MCF2L2: variants seen among roughly 807,000 people sequenced by gnomAD.
MCF2L2 encodes the protein probable guanine nucleotide exchange factor MCF2L2.
In MCF2L2, 102 loss-of-function variants were observed where a neutral mutation model predicts 150.2. The observed-to-expected ratio is 0.68, with a 90% confidence interval of 0.58 to 0.80. The LOEUF (loss-of-function observed/expected upper bound fraction) is 0.80, where lower values mean the gene tolerates loss of function less well. MCF2L2 is among the 30% of genes least tolerant of loss of function. The probability of loss-of-function intolerance (pLI) is 0.00; values close to 1 mark genes in which losing one functional copy is unlikely to be tolerated. For synonymous variants in MCF2L2, 465 were observed against 491.3 expected (o/e 0.95, Z 0.71); for missense variants, 1,256 against 1,372.8 (o/e 0.91, Z 1.34).
intron 27 of MCF2L2, among the ~76,000 whole-genome samples, chr3:183,187,146 A>G (rs1416837506): frequency 6.6e-6 from 1 of 152,228 alleles, no homozygotes; most frequent in East Asian, 1.9e-4. Context: ...ACAAAAAAAA[A>G]GATAATGAAA....
intron 3 of MCF2L2, among the ~76,000 whole-genome samples, chr3:183,343,949 T>C (rs1730801326): frequency 6.6e-6 from 1 of 151,978 alleles, no homozygotes; most frequent in Non-Finnish European, 1.5e-5. Context: ...GGCAGGAGGA[T>C]CGCTTGGGCT....
At chr3:183,255,344 T>TC (rs1185979817) in intron 15 of MCF2L2, among the ~76,000 whole-genome samples, 1 of 152,238 alleles carries the variant, frequency 6.6e-6, no homozygotes, top group African/African-American at 2.4e-5. Context: ...TTCTATCTGG[T>TC]CACAAGTGAG....
intron 26 of MCF2L2, among the ~76,000 whole-genome samples, chr3:183,194,195 G>A (rs189999844): frequency 2.0e-5 from 3 of 152,142 alleles, no homozygotes. Context: ...TCTAGCGGGG[G>A]TTCCATGAGG....
intron 15 of MCF2L2, among the ~76,000 whole-genome samples, chr3:183,245,556 C>A (rs1724213746): frequency 6.6e-6 from 1 of 152,084 alleles, no homozygotes; most frequent in Non-Finnish European, 1.5e-5. Flanking sequence ...GCAAGCAGGG[C>A]AGATACCCTT....
At position 183,379,306 on chromosome 3, in the gene MCF2L2, C is replaced by T. The variant is rs754584895; in HGVS notation, c.266G>A (p.Ser89Asn). 3 of 1,606,590 alleles carry T rather than the reference C, an allele frequency of 1.9e-6. No individual in the cohort carries two copies. The highest frequency in any genetic ancestry group is 2.3e-5 in the East Asian group (1 of 44,294). The change falls in exon 3 of 30, where the codon AGC becomes AAC. Residue 89 changes from serine to asparagine, a missense_variant. By Grantham distance (46) the Ser-to-Asn change is conservative. Coordinates refer to ENST00000328913, the MANE Select transcript of MCF2L2 (RefSeq NM_015078.4). ...ACTGTGCTCAGCTCACCTGGGGATG[C>T]TAGTCAGGTAGGTCATGACATTCAG... ...DFLNVMTYLT[S>N]IPSVEAASIG...
At chr3:183,302,290 G>A (rs1266598124) in intron 10 of MCF2L2, among the ~76,000 whole-genome samples, 3 of 152,144 alleles carry the variant, frequency 2.0e-5, no homozygotes, top group African/African-American at 2.4e-5. Context: ...ACAGCTACAT[G>A]CAGAATCCTC....
Position 183,361,001 on chromosome 3 carries a change from A to G in MCF2L2, c.275+18296T>C, listed in dbSNP as rs1018127700. Among the ~76,000 whole-genome samples, 208 of 141,934 alleles carry G rather than the reference A, an allele frequency of 1.5e-3. 11 individuals carry two copies. The highest frequency in any genetic ancestry group is 0.014 in the East Asian group (63 of 4,524). The allele number at this position is 141,934 out of a possible 152,430, so 93.1% of individuals were successfully genotyped here. On this transcript the variant is annotated intron_variant, in intron 3 of 29. Coordinates refer to ENST00000328913, the MANE Select transcript of MCF2L2 (RefSeq NM_015078.4). ...AAGAAAAGAAAAGAAAAGAAAAGAAAAGAAAAGAAAAGAAAAGAAAAGAGA... is the reference window on the plus strand; with the variant it reads ...AAGAAAAGAAAAGAAAAGAAAAGAAGAGAAAAGAAAAGAAAAGAAAAGAGA...
chr3:183,413,619 C>A (rs1715433275), intron 1 of MCF2L2, among the ~76,000 whole-genome samples: 1 of 152,218 alleles, frequency 6.6e-6, no homozygotes, highest in Non-Finnish European at 1.5e-5. Flanking sequence ...GACGCCTGCA[C>A]CCCCAACTCA....
intron 3 of MCF2L2, among the ~76,000 whole-genome samples, chr3:183,348,422 G>C (rs568096789): frequency 6.6e-6 from 1 of 151,598 alleles, no homozygotes; most frequent in Non-Finnish European, 1.5e-5. Flanking sequence ...GGTCGGGTAG[G>C]GGGGGCGAGG....
intron 15 of MCF2L2, among the ~76,000 whole-genome samples, chr3:183,240,653 A>C (rs1156640929): frequency 6.6e-6 from 1 of 152,190 alleles, no homozygotes; most frequent in African/African-American, 2.4e-5. Flanking sequence ...TTTAAAGGTA[A>C]AACCAGATTT....
At chr3:183,401,279 T>C (rs762484533) in intron 1 of MCF2L2, among the ~76,000 whole-genome samples, 112 of 152,180 alleles carry the variant, frequency 7.4e-4, no homozygotes, top group Non-Finnish European at 1.3e-3. Context: ...GTTTCCATAG[T>C]TAAAGAAAGA....
chr3:183,238,566 TA>T (rs1413563001), intron 15 of MCF2L2, among the ~76,000 whole-genome samples: 1 of 151,494 alleles, frequency 6.6e-6, no homozygotes, highest in Non-Finnish European at 1.5e-5. Context: ...GTGCTGGGAT[TA>T]CAGGCGTGAG....
rs1288356557 is a variant in MCF2L2, at chr3:183,179,137, G to C, written c.*243C>G. The stretch of plus-strand genomic sequence containing the variant: ...CGAAGTGCGCGGTCGAGAAGGCGTG[G>C]GCTGCGGGCTCTGCTCGCCTCTGCA... On this transcript the variant is annotated 3_prime_UTR_variant, in exon 30 of 30. Transcript: ENST00000328913. This position sits in a 1 kb window ranked among gnomAD's most constrained non-coding sequence, Gnocchi z 4.2. The C allele has an allele frequency of 2.2e-5, 9 of 417,188 alleles. No individual in the cohort carries two copies. Among genetic ancestry groups the C allele is most frequent in the Non-Finnish European group, 3.3e-5 (8 of 243,288 alleles). 25.8% of individuals were successfully genotyped at this position (417,188 alleles called of 1,614,324 possible).
At chr3:183,186,099 A>G (rs1349397422) in intron 27 of MCF2L2, among the ~76,000 whole-genome samples, 1 of 152,166 alleles carries the variant, frequency 6.6e-6, no homozygotes, top group Non-Finnish European at 1.5e-5. Context: ...GATTGGAATA[A>G]GCCCAAAGAT....
At chr3:183,415,720 T>C (rs1452930109) in intron 1 of MCF2L2, among the ~76,000 whole-genome samples, 1 of 152,192 alleles carries the variant, frequency 6.6e-6, no homozygotes, top group Non-Finnish European at 1.5e-5. Context: ...TCATACATCT[T>C]TTCCCATCCT....
chr3:183,301,142 C>T (rs1728827518), intron 10 of MCF2L2, among the ~76,000 whole-genome samples: 2 of 152,052 alleles, frequency 1.3e-5, no homozygotes, highest in Admixed American at 6.6e-5. Context: ...TGACACTTCG[C>T]TCTAACCACA....
chr3:183,280,978 G>C lies in MCF2L2; in HGVS notation c.1777-4021C>G, dbSNP rs184384310. On this transcript the variant is annotated intron_variant, in intron 14 of 29. Transcript: ENST00000328913. ...AGGAGCTATTAGGCCCAATTCTGAG[G>C]AGAGAAAAAAAAGCAGATTTCAAGG... is the stretch of plus-strand genomic sequence containing the variant. Among the ~76,000 whole-genome samples, 8 of 152,042 alleles carry C rather than the reference G, an allele frequency of 5.3e-5. No individual in the cohort carries two copies. The South Asian group carries it at 1.7e-3, about 32-fold the overall frequency.
chr3:183,298,086 C>A (rs1353872465), intron 11 of MCF2L2: 1 of 152,164 alleles, frequency 6.6e-6, no homozygotes, highest in Non-Finnish European at 1.5e-5. Flanking sequence ...CGTAAGGAAG[C>A]AAGAATGCAA....
intron 5 of MCF2L2, among the ~76,000 whole-genome samples, chr3:183,336,906 C>CT (rs1730506812): frequency 6.6e-6 from 1 of 150,600 alleles, no homozygotes; most frequent in Non-Finnish European, 1.5e-5. Context: ...TAGAAAGTTC[C>CT]TTTTGTCTCC....
Sources: allele counts gnomAD v4.1 joint callset (sites outside exome capture counted in the v4.1 genomes callset), GRCh38; gene constraint gnomAD v4.1.1; non-coding constraint Gnocchi (gnomAD v3.1); transcripts MANE v1.5; gene names NCBI Gene and HGNC (gene_info 2026-07-23, HGNC 2026-07-21).